The following KHDRBS2 variants were observed in gnomAD, a reference collection of about 807,000 sequenced individuals.
KHDRBS2 encodes KH domain-containing, RNA-binding, signal transduction-associated protein 2.
In KHDRBS2, 26 loss-of-function variants were observed where a neutral mutation model predicts 44.3. The ratio of observed to expected loss-of-function variants is 0.59; its 90% confidence interval spans 0.43 to 0.81. KHDRBS2 has a LOEUF of 0.81. Among genes scored for constraint, KHDRBS2 ranks in the 40% least tolerant of loss-of-function variants. The pLI is 0.00. For synonymous variants in KHDRBS2, 194 were observed against 151.1 expected, an observed-to-expected ratio of 1.28 and a Z score of -2.08; for missense variants, 476 against 433.1, an observed-to-expected ratio of 1.10 and a Z score of -0.88.
At chr6:61,963,951 A>G (rs1370532569) in intron 4 of KHDRBS2, among the ~76,000 whole-genome samples, 1 of 152,068 alleles carries the variant, frequency 6.6e-6, no homozygotes, top group Non-Finnish European at 1.5e-5. Flanking sequence ...TTCCATAACA[A>G]AAAGACAACT....
the KHDRBS2 span, among the ~76,000 whole-genome samples, chr6:61,596,106 T>A: frequency 0.62 from 93,513 of 151,856 alleles, 29,013 homozygotes; most frequent in Middle Eastern, 0.65. Context: ...GACACACCTC[T>A]CCATGGCCAC....
At chr6:61,845,196 G>T (rs562100418) in intron 6 of KHDRBS2, among the ~76,000 whole-genome samples, 6 of 151,994 alleles carry the variant, frequency 3.9e-5, no homozygotes, top group East Asian at 1.9e-4. Context: ...ATTCAAAAAC[G>T]TGTAGCTTTT....
chr6:62,062,307 C>A (rs1202247911), intron 2 of KHDRBS2, among the ~76,000 whole-genome samples: 4 of 145,028 alleles, frequency 2.8e-5, no homozygotes, highest in Non-Finnish European at 4.5e-5. Context: ...CTTTCCACCC[C>A]AAATCAACAG....
chr6:61,741,095 G>C (rs1459235722), intron 6 of KHDRBS2, among the ~76,000 whole-genome samples: 1 of 151,830 alleles, frequency 6.6e-6, no homozygotes, highest in South Asian at 2.1e-4. Context: ...TTACCCAAAA[G>C]ATATTATTTC....
chr6:62,020,691 C>T (rs1379959901), intron 3 of KHDRBS2, among the ~76,000 whole-genome samples: 2 of 151,994 alleles, frequency 1.3e-5, no homozygotes, highest in Non-Finnish European at 2.9e-5. Flanking sequence ...TAAAAGACCA[C>T]CTTTAACCTT....
At position 61,899,477 on chromosome 6, in the gene KHDRBS2, T is replaced by G. The variant is rs116381910; in HGVS notation, c.611+1767A>C. ...TATCAGATCTGTATGTTATATGGGA[T>G]TAAATAGTGAAATCTTTCAATCAAA... On this transcript the variant is annotated intron_variant, in intron 5 of 8. Transcript: ENST00000281156. Among the ~76,000 whole-genome samples, 301 of 151,996 alleles carry G rather than the reference T, an allele frequency of 2.0e-3. 2 individuals carry two copies. Among genetic ancestry groups the G allele is most frequent in the African/African-American group, 7.1e-3 (295 of 41,522 alleles).
At chr6:61,869,442 A>G (rs548731075) in intron 6 of KHDRBS2, among the ~76,000 whole-genome samples, 1 of 152,206 alleles carries the variant, frequency 6.6e-6, no homozygotes, top group African/African-American at 2.4e-5. Flanking sequence ...AAAAACTGAG[A>G]GACTTACTAT....
intron 1 of KHDRBS2, among the ~76,000 whole-genome samples, chr6:62,274,240 A>G (rs1236299873): frequency 2.0e-5 from 3 of 152,142 alleles, no homozygotes; most frequent in Non-Finnish European, 4.4e-5. Flanking sequence ...ATTTGAATCC[A>G]GGCCACTGTA....
intron 2 of KHDRBS2, among the ~76,000 whole-genome samples, chr6:62,080,806 G>T (rs960396212): frequency 1.3e-5 from 2 of 151,976 alleles, no homozygotes; most frequent in Non-Finnish European, 2.9e-5. Context: ...TGGAGAGTAG[G>T]ATAGAGTAAC....
chr6:61,852,239 A>T (rs1795534864), intron 6 of KHDRBS2, among the ~76,000 whole-genome samples: 1 of 151,992 alleles, frequency 6.6e-6, no homozygotes, highest in South Asian at 2.1e-4. Flanking sequence ...ATAAATAAAT[A>T]AAATAAAATG....
the KHDRBS2 span, among the ~76,000 whole-genome samples, chr6:61,673,166 G>T: frequency 6.6e-6 from 1 of 152,000 alleles, no homozygotes; most frequent in Non-Finnish European, 1.5e-5. Context: ...TAGATATGTG[G>T]TGTTATTTCT....
chr6:62,182,091 T>C lies in KHDRBS2; in HGVS notation c.92-4779A>G, dbSNP rs115973541. On this transcript the variant is annotated intron_variant, in intron 1 of 8. Coordinates refer to ENST00000281156, the MANE Select transcript of KHDRBS2 (RefSeq NM_152688.4). ...ATAAGCCCCCACCAGAAACCAAACC[T>C]ACTGGATCTTGGAATTTTCCAAGAT... Among the ~76,000 whole-genome samples, 715 of 152,112 alleles carry C rather than the reference T, an allele frequency of 4.7e-3. 7 individuals are homozygous for C. Among genetic ancestry groups the C allele is most frequent in the African/African-American group, 0.016 (679 of 41,522 alleles).
intron 8 of KHDRBS2, among the ~76,000 whole-genome samples, chr6:61,694,116 T>C (rs1248781358): frequency 6.6e-6 from 1 of 152,036 alleles, no homozygotes; most frequent in East Asian, 1.9e-4. Flanking sequence ...TAAAAAATGA[T>C]TGTATTTTGC....
chr6:61,940,689 C>T (rs1463201044), intron 4 of KHDRBS2, among the ~76,000 whole-genome samples: 3 of 152,114 alleles, frequency 2.0e-5, no homozygotes, highest in African/African-American at 7.2e-5. Context: ...TCCTGGAGCC[C>T]AGTGATGCCA....
At chr6:61,948,496 T>C (rs1436528056) in intron 4 of KHDRBS2, among the ~76,000 whole-genome samples, 1 of 151,882 alleles carries the variant, frequency 6.6e-6, no homozygotes, top group Non-Finnish European at 1.5e-5. Flanking sequence ...AAAGAATGAG[T>C]TTGGCATATC....
At chr6:61,857,830 A>C (rs1327237521) in intron 6 of KHDRBS2, among the ~76,000 whole-genome samples, 8 of 151,966 alleles carry the variant, frequency 5.3e-5, no homozygotes, top group Non-Finnish European at 8.8e-5. Flanking sequence ...CCTTTATTAA[A>C]ACATAGAGTG....
intron 2 of KHDRBS2, among the ~76,000 whole-genome samples, chr6:62,114,906 A>T (rs1320220381): frequency 6.6e-6 from 1 of 151,888 alleles, no homozygotes; most frequent in East Asian, 1.9e-4. Flanking sequence ...ATGGAAAAAA[A>T]CTCTCACTAT....
In KHDRBS2 at chr6:62,043,606, G is replaced by T. The variant is rs559235776; in HGVS notation, c.336+4272C>A. Among the ~76,000 whole-genome samples, 20 of 151,926 alleles carry T rather than the reference G, an allele frequency of 1.3e-4. No individual in the cohort carries two copies. In the East Asian group the frequency reaches 3.5e-3, roughly 27 times the overall value. On this transcript the variant is annotated intron_variant, in intron 3 of 8. Transcript: ENST00000281156. ...ACTATATGGTAGGATTTTGCTACTG[G>T]TATTACCTTGAATATTATTATATTT...
chr6:61,780,065 T>C (rs1334168472), intron 6 of KHDRBS2, among the ~76,000 whole-genome samples: 2 of 152,240 alleles, frequency 1.3e-5, no homozygotes, highest in Admixed American at 6.5e-5. Flanking sequence ...GTACCCTCAG[T>C]ATATTTTTCT....
Sources: allele counts gnomAD v4.1 joint callset (sites outside exome capture counted in the v4.1 genomes callset), GRCh38; gene constraint gnomAD v4.1.1; transcripts MANE v1.5; gene names NCBI Gene and HGNC (gene_info 2026-07-23, HGNC 2026-07-21).